MEIKIN: variants seen among roughly 807,000 people sequenced by gnomAD.
The protein encoded by MEIKIN is meiosis-specific kinetochore protein.
chr5:131,917,228 T>C (rs1288750454), intron 6 of MEIKIN, among the ~76,000 whole-genome samples: 1 of 152,148 alleles, frequency 6.6e-6, no homozygotes, highest in Non-Finnish European at 1.5e-5. Flanking sequence ...AATATATCAA[T>C]TTATTATCCC....
At chr5:131,869,707 G>C (rs1750452011) in intron 9 of MEIKIN, among the ~76,000 whole-genome samples, 1 of 152,164 alleles carries the variant, frequency 6.6e-6, no homozygotes, top group Admixed American at 6.5e-5. Flanking sequence ...AGAACTCCTG[G>C]AAGTAAAACT....
intron 5 of MEIKIN, among the ~76,000 whole-genome samples, chr5:131,929,497 C>T (rs796850954): frequency 8.6e-4 from 131 of 152,140 alleles, no homozygotes; most frequent in African/African-American, 3.0e-3. Context: ...CTTTTTTCTT[C>T]ACTAATGGCA....
intron 11 of MEIKIN, among the ~76,000 whole-genome samples, chr5:131,827,632 G>A (rs1749637395): frequency 6.6e-6 from 1 of 152,082 alleles, no homozygotes; most frequent in African/African-American, 2.4e-5. Context: ...AGAAAGGCTT[G>A]CTAAAGAATG....
At chr5:131,824,643 A>G (rs1000376025) in intron 11 of MEIKIN, among the ~76,000 whole-genome samples, 1 of 152,240 alleles carries the variant, frequency 6.6e-6, no homozygotes, top group African/African-American at 2.4e-5. Flanking sequence ...AAGGCTTAAG[A>G]AGCAGAATAG....
chr5:131,816,353 A>G (rs1042757152), intron 12 of MEIKIN, among the ~76,000 whole-genome samples: 1 of 152,234 alleles, frequency 6.6e-6, no homozygotes, highest in African/African-American at 2.4e-5. Context: ...TAATATCTAC[A>G]ATAAACTTTA....
intron 9 of MEIKIN, among the ~76,000 whole-genome samples, chr5:131,875,976 C>T (rs1198591402): frequency 6.6e-6 from 1 of 152,156 alleles, no homozygotes; most frequent in Non-Finnish European, 1.5e-5. Flanking sequence ...CTTCCTTACA[C>T]CTTATACAAA....
chr5:131,914,714 G>C (rs1580904949), intron 7 of MEIKIN, among the ~76,000 whole-genome samples: 1 of 151,904 alleles, frequency 6.6e-6, no homozygotes, highest in East Asian at 1.9e-4. Flanking sequence ...ATATGATACA[G>C]AAAAAGCTAA....
intron 11 of MEIKIN, among the ~76,000 whole-genome samples, chr5:131,819,765 A>ATTTTTTTTTT (rs1167213249): frequency 6.2e-5 from 4 of 64,574 alleles, no homozygotes; most frequent in African/African-American, 3.1e-4. Flanking sequence ...ACATCCAGCT[A>ATTTTTTTTTT]TTTTTTTTTT....
chr5:131,942,436 T>A (rs1751888109), intron 4 of MEIKIN, among the ~76,000 whole-genome samples, 199 bp downstream of exon 4: 2 of 152,232 alleles, frequency 1.3e-5, no homozygotes, highest in South Asian at 4.1e-4. Flanking sequence ...ACAGTACTTA[T>A]CACAAGTAAT....
chr5:131,823,751 T>C (rs906947383), intron 11 of MEIKIN, among the ~76,000 whole-genome samples: 1 of 152,128 alleles, frequency 6.6e-6, no homozygotes, highest in African/African-American at 2.4e-5. Context: ...CTTATAGATG[T>C]TCATCAATGT....
chr5:131,857,259 G>C (rs1317989489), intron 9 of MEIKIN, among the ~76,000 whole-genome samples: 3 of 151,730 alleles, frequency 2.0e-5, no homozygotes, highest in African/African-American at 7.3e-5. Context: ...ATTTCAACTT[G>C]AAAAAAAGAT....
At chr5:131,907,873 A>C (rs1356957087) in intron 8 of MEIKIN, among the ~76,000 whole-genome samples, 1 of 152,038 alleles carries the variant, frequency 6.6e-6, no homozygotes, top group Non-Finnish European at 1.5e-5. Context: ...CTCCGTCTCA[A>C]AATAAATAAA....
intron 8 of MEIKIN, among the ~76,000 whole-genome samples, chr5:131,887,964 G>T (rs1348506873): frequency 2.9e-5 from 4 of 136,240 alleles, no homozygotes; most frequent in African/African-American, 1.2e-4. Context: ...GCGGTGTTTG[G>T]TTTTTTGTCC....
chr5:131,911,834 A>C lies in MEIKIN; in HGVS notation c.684T>G (p.Cys228Trp). The C allele has an allele frequency of 2.5e-6, 1 of 397,880 alleles. No individual in the cohort carries two copies. Among genetic ancestry groups the C allele is most frequent in the Non-Finnish European group, 4.4e-6 (1 of 225,250 alleles). 24.6% of individuals were successfully genotyped at this position (397,880 alleles called of 1,614,324 possible). Residue 228 changes from cysteine to tryptophan, a missense_variant, in exon 8 of 13, where the codon TGT (cysteine) becomes TGG (tryptophan). Physicochemically the swap from Cys to Trp is radical, Grantham distance 215 (BLOSUM62 -2). Coordinates refer to ENST00000442687, the MANE Select transcript of MEIKIN (RefSeq NM_001303622.2). ...TGTTACCTGATTCTGAATTTGAAGC[A>C]CACTTTGCTTTTGGAGAAACATTTT... ...ADQNVSPKAK[C>W]ASNSESDNAA...
chr5:131,919,921 A>G (rs1751476721), intron 6 of MEIKIN, among the ~76,000 whole-genome samples: 1 of 152,198 alleles, frequency 6.6e-6, no homozygotes, highest in Non-Finnish European at 1.5e-5. Context: ...CCAAACAGGA[A>G]AGGTGAATGC....
chr5:131,944,809 C>T (rs1193133507), intron 2 of MEIKIN, 57 bp from the exon 3 acceptor site: 2 of 398,906 alleles, frequency 5.0e-6, no homozygotes, highest in Non-Finnish European at 8.8e-6. Context: ...CTCCACGTCT[C>T]TGTTCAGACT....
chr5:131,933,999 G>C (rs1751732305), intron 4 of MEIKIN, among the ~76,000 whole-genome samples: 1 of 151,908 alleles, frequency 6.6e-6, no homozygotes, highest in Non-Finnish European at 1.5e-5. Context: ...AGGGTGGAGT[G>C]CAGTAGCACG....
intron 11 of MEIKIN, among the ~76,000 whole-genome samples, chr5:131,847,589 T>C (rs1366882778): frequency 6.6e-6 from 1 of 152,056 alleles, no homozygotes; most frequent in Non-Finnish European, 1.5e-5. Flanking sequence ...TCTATAATAA[T>C]AGTTGAAGAC....
At chr5:131,855,533 G>C (rs187590901) in intron 9 of MEIKIN, among the ~76,000 whole-genome samples, 281 of 152,030 alleles carry the variant, frequency 1.8e-3, no homozygotes, top group Non-Finnish European at 3.3e-3. Flanking sequence ...AAAAGAGAGA[G>C]AGGGAGGAAG....
Sources: allele counts gnomAD v4.1 joint callset (sites outside exome capture counted in the v4.1 genomes callset), GRCh38; gene constraint gnomAD v4.1.1; transcripts MANE v1.5; gene names NCBI Gene and HGNC (gene_info 2026-07-23, HGNC 2026-07-21).